The following PRKCB variants were observed in gnomAD, a reference collection of about 807,000 sequenced individuals.
PRKCB encodes the protein protein kinase C beta, also known as protein kinase C beta type.
PRKCB carries 13 observed loss-of-function variants against 81.5 expected under a neutral mutation model. That is an observed-to-expected ratio of 0.16 (90% CI 0.10 to 0.25). PRKCB has a LOEUF of 0.25. Ranked by LOEUF, PRKCB falls within the 10% of genes least tolerant of loss-of-function variation. The pLI is 1.00. For synonymous variants in PRKCB, 335 were observed against 321.4 expected (o/e 1.04, Z -0.45); for missense variants, 509 against 875.7 (o/e 0.58, Z 5.29).
intron 2 of PRKCB, among the ~76,000 whole-genome samples, chr16:23,888,657 C>T (rs1372457763): frequency 1.3e-5 from 2 of 149,898 alleles, no homozygotes; most frequent in Non-Finnish European, 2.9e-5. Context: ...CCCTCTGCCA[C>T]CCTCGTCATG....
At chr16:23,901,863 GTCTCAGAGCTGGTGCAGACA>G (rs1401178001) in intron 2 of PRKCB, among the ~76,000 whole-genome samples, 1 of 152,176 alleles carries the variant, frequency 6.6e-6, no homozygotes, top group Non-Finnish European at 1.5e-5. Flanking sequence ...CACACTGGAA[GTCTCAGAGCTGGTGCAGACA>G]TCTCAGAGCT....
At chr16:23,856,355 C>T (rs1962567311) in intron 2 of PRKCB, among the ~76,000 whole-genome samples, 2 of 152,082 alleles carry the variant, frequency 1.3e-5, no homozygotes, top group South Asian at 2.1e-4. Context: ...AGATTGCAGC[C>T]CCACTCTGGA....
At chr16:24,052,633 C>T (rs900204050) in intron 5 of PRKCB, among the ~76,000 whole-genome samples, 3 of 152,194 alleles carry the variant, frequency 2.0e-5, no homozygotes, top group Non-Finnish European at 2.9e-5. Flanking sequence ...AACTTCCTGA[C>T]GTTGCCATGA....
intron 5 of PRKCB, among the ~76,000 whole-genome samples, chr16:24,088,139 GGAAACACGACTCAACTTT>G (rs1192060186): frequency 1.3e-5 from 2 of 152,144 alleles, no homozygotes; most frequent in African/African-American, 4.8e-5. Flanking sequence ...CTTGCTGCTG[GGAAACACGACTCAACTTT>G]GAAACACTTC....
Position 24,108,279 on chromosome 16 carries a change from ATTTAT to A in PRKCB, c.822-4690_822-4686del, listed in dbSNP as rs1160613921. ...TTTATTTGTCCCCAATCTTTTATTTATTTATTTTTTTTATTATTTTTTTTTAATTG... is the reference window on the plus strand; with the variant it reads ...TTTATTTGTCCCCAATCTTTTATTTATTTTTTTATTATTTTTTTTTAATTG... On this transcript the variant is annotated intron_variant, in intron 7 of 16. Transcript: ENST00000643927. 9.9e-4 allele frequency among the ~76,000 whole-genome samples: 76 copies of A among 77,108 alleles called. 3 individuals are homozygous for A. The highest frequency in any genetic ancestry group is 0.015 in the Middle Eastern group (2 of 132). 50.6% of individuals were successfully genotyped at this position (77,108 alleles called of 152,430 possible).
chr16:23,998,978 G>C (rs1421397766), intron 3 of PRKCB, among the ~76,000 whole-genome samples: 1 of 152,230 alleles, frequency 6.6e-6, no homozygotes, highest in African/African-American at 2.4e-5. Flanking sequence ...ATAGGATTTG[G>C]CAGCCTACCT....
At chr16:24,147,720 G>T (rs1376406634) in intron 9 of PRKCB, among the ~76,000 whole-genome samples, 1 of 152,132 alleles carries the variant, frequency 6.6e-6, no homozygotes, top group Non-Finnish European at 1.5e-5. Context: ...TGGATTTAAG[G>T]GACAGGTGAC....
intron 5 of PRKCB, among the ~76,000 whole-genome samples, chr16:24,080,990 G>A (rs896054807): frequency 6.6e-6 from 1 of 152,100 alleles, no homozygotes; most frequent in Non-Finnish European, 1.5e-5. Flanking sequence ...GACAAAAATA[G>A]TACAAGAAAA....
chr16:24,030,750 AG>A (rs202033219), intron 3 of PRKCB, among the ~76,000 whole-genome samples: 7,957 of 151,474 alleles, frequency 0.053, 276 homozygotes, highest in African/African-American at 0.077. Context: ...TTAGCTGGGC[AG>A]GTTGGGCACA....
intron 9 of PRKCB, chr16:24,151,964 T>C: frequency 2.2e-6 from 1 of 452,112 alleles, no homozygotes; most frequent in South Asian, 1.6e-5. Context: ...TGTCCTATCA[T>C]GACTGCATCT....
rs1968283513 is a variant in PRKCB, at chr16:24,219,322, A to G, written c.*4506A>G. ...CTTTAAGCTTTGGGTTTTCTCTCTT[A>G]TAGTTTGTTGACACATGCTAAAAAT... On this transcript the variant is annotated 3_prime_UTR_variant, in exon 17 of 17. Transcript: ENST00000643927. 2 of 955,190 alleles carry G rather than the reference A, an allele frequency of 2.1e-6. No individual in the cohort carries two copies. Among genetic ancestry groups the G allele is most frequent in the South Asian group, 9.7e-5 (2 of 20,564 alleles). 59.2% of individuals were successfully genotyped at this position (955,190 alleles called of 1,614,324 possible).
At chr16:23,947,381 G>C (rs780913135) in intron 2 of PRKCB, among the ~76,000 whole-genome samples, 2 of 152,186 alleles carry the variant, frequency 1.3e-5, no homozygotes, top group African/African-American at 2.4e-5. Context: ...TGGGACCTGG[G>C]CTCCTCTCCT....
intron 8 of PRKCB, among the ~76,000 whole-genome samples, chr16:24,122,723 G>T (rs922200222): frequency 6.9e-5 from 10 of 144,058 alleles, no homozygotes; most frequent in African/African-American, 2.5e-4. Context: ...GCATCAAAAA[G>T]TGTTGGAATT....
rs1350499802 is a variant in PRKCB at position 24,217,580 on chromosome 16, T to C, written c.*2764T>C. 1.0e-6 allele frequency: 1 copy of C among 985,358 alleles called. No individual in the cohort carries two copies. Among genetic ancestry groups the C allele is most frequent in the Non-Finnish European group, 1.2e-6 (1 of 829,966 alleles). The allele number at this position is 985,358 out of a possible 1,614,324, so 61.0% of individuals were successfully genotyped here. A position where few individuals can be genotyped will look rare whatever the true frequency, so the allele number is the denominator to read the frequency against. ...AATCCAGGAGTATTTTCTCTGGGGA[T>C]CTGCCCACAGGACAAAGTCCATAAA... On this transcript the variant is annotated 3_prime_UTR_variant, in exon 17 of 17. Transcript: ENST00000643927.
intron 2 of PRKCB, among the ~76,000 whole-genome samples, chr16:23,839,141 T>G (rs1410131872): frequency 6.6e-6 from 1 of 152,212 alleles, no homozygotes; most frequent in Non-Finnish European, 1.5e-5. Context: ...CACTTTGGAA[T>G]GTGCAAGGCA....
intron 16 of PRKCB, among the ~76,000 whole-genome samples, chr16:24,205,367 C>G (rs1968030090): frequency 6.6e-6 from 1 of 151,494 alleles, no homozygotes; most frequent in African/African-American, 2.4e-5. Context: ...GTTGCCCAGG[C>G]TGGTCTCAAA....
intron 2 of PRKCB, among the ~76,000 whole-genome samples, chr16:23,986,525 T>G (rs1964806232): frequency 6.6e-6 from 1 of 152,192 alleles, no homozygotes; most frequent in African/African-American, 2.4e-5. Flanking sequence ...GTGCTGGGAT[T>G]ACAGATGTGA....
At chr16:24,096,666 A>AAAAAAAAATATATATATATAT (rs1406204037) in intron 7 of PRKCB, among the ~76,000 whole-genome samples, 1 of 32,712 alleles carries the variant, frequency 3.1e-5, no homozygotes, top group African/African-American at 9.7e-5. Flanking sequence ...AAAAAAAAAA[A>AAAAAAAAATATATATATATAT]ATATATATAT....
At chr16:24,204,874 C>A (rs1252823400) in intron 16 of PRKCB, among the ~76,000 whole-genome samples, 1 of 152,092 alleles carries the variant, frequency 6.6e-6, no homozygotes, top group African/African-American at 2.4e-5. Flanking sequence ...GTAATCCTAG[C>A]ACTTTGGGAG....
Sources: gnomAD v4.1 joint callset for allele counts (sites outside exome capture counted in the v4.1 genomes callset) on GRCh38, gnomAD v4.1.1 for gene constraint, MANE v1.5 for transcripts, NCBI Gene and HGNC (gene_info 2026-07-23, HGNC 2026-07-21) for gene names.